The following SERPINB4 variants were observed in gnomAD, a reference collection of about 807,000 sequenced individuals.
SERPINB4 encodes serpin B4.
SERPINB4 carries 39 observed loss-of-function variants against 33.2 expected under a neutral mutation model. That is an observed-to-expected ratio of 1.18 (90% CI 0.91 to 1.53). The LOEUF (loss-of-function observed/expected upper bound fraction) is 1.53, where lower values mean the gene tolerates loss of function less well. Among genes scored for constraint, SERPINB4 ranks in the 40% most tolerant of loss-of-function variants. SERPINB4 has a pLI of 0.00. For missense variants in SERPINB4, 564 were observed against 455.4 expected, an observed-to-expected ratio of 1.24 and a Z score of -2.17; for synonymous variants, 191 against 166.4, an observed-to-expected ratio of 1.15 and a Z score of -1.14.
At chr18:63,639,511 AAAC>A (rs1464303655) in intron 6 of SERPINB4, 120 bp downstream of exon 6, 15 of 1,022,900 alleles carry the variant, frequency 1.5e-5, no homozygotes, top group South Asian at 1.9e-5. Flanking sequence ...TATAAGAGTA[AAAC>A]AACAAAATAA....
intron 4 of SERPINB4, among the ~76,000 whole-genome samples, 170 bp from the exon 5 acceptor site, chr18:63,641,161 G>A (rs931467117): frequency 2.6e-5 from 4 of 152,062 alleles, no homozygotes; most frequent in Non-Finnish European, 5.9e-5. Flanking sequence ...TGCAAAAGGG[G>A]AATGTGGGCT....
rs2144477747 is a variant in SERPINB4 at position 63,643,482 on chromosome 18, G to A, written c.96C>T (p.Ile32=). Residue 32 remains isoleucine, a synonymous_variant, in exon 2 of 8, where the codon ATC becomes ATT. Transcript: ENST00000341074. ...CCATCCCTAATGCTGATGTGATGCT[G>A]ATAGGGGAATAGAAGATGTTGTTCT... is the stretch of plus-strand genomic sequence containing the variant. ...SKENNIFYSP[I]SITSALGMVL... The A allele has an allele frequency of 6.2e-7, 1 of 1,613,752 alleles. No homozygotes were observed. Among genetic ancestry groups the A allele is most frequent in the Non-Finnish European group, 8.5e-7 (1 of 1,179,768 alleles).
intron 3 of SERPINB4, 120 bp downstream of exon 3, chr18:63,643,041 C>A: frequency 1.6e-6 from 2 of 1,225,854 alleles, no homozygotes; most frequent in South Asian, 2.7e-5. Flanking sequence ...CTGTATGTCT[C>A]AATCTTTGTG....
rs1912975884 is a variant in SERPINB4, at chr18:63,637,761, C to G, written c.1131G>C (p.Lys377Asn). Reference sequence around the variant, plus strand: ...TGCCATAGAAGAGGATGCTGTTGGTCTTATTTTGCCTTATGAAGAATAGGA... The same window carrying G: ...TGCCATAGAAGAGGATGCTGTTGGTGTTATTTTGCCTTATGAAGAATAGGA... ...HPFLFFIRQN[K>N]TNSILFYGRF... Residue 377 changes from lysine to asparagine, a missense_variant, in exon 8 of 8, where the codon AAG becomes AAC. By Grantham distance (94) the Lys-to-Asn change is moderately conservative. Coordinates refer to ENST00000341074, the MANE Select transcript of SERPINB4 (RefSeq NM_002974.4). 2.5e-6 allele frequency: 4 copies of G among 1,612,838 alleles called. No homozygotes were observed. Among genetic ancestry groups the G allele is most frequent in the Non-Finnish European group, 3.4e-6 (4 of 1,179,374 alleles).
At chr18:63,639,552 T>G (rs1913054044) in intron 6 of SERPINB4, 82 bp downstream of exon 6, 2 of 1,098,046 alleles carry the variant, frequency 1.8e-6, no homozygotes, top group Non-Finnish European at 2.6e-6. Context: ...TATTTTTTAC[T>G]TATCATGTTA....
intron 5 of SERPINB4, 127 bp downstream of exon 5, chr18:63,640,747 G>T: frequency 1.4e-6 from 1 of 700,792 alleles, no homozygotes; most frequent in South Asian, 1.9e-5. Flanking sequence ...TTCATCTGGA[G>T]TGCCCTCTTC....
At chr18:63,638,937 T>G (rs13353206) in intron 7 of SERPINB4, among the ~76,000 whole-genome samples, 7,466 of 151,788 alleles carry the variant, frequency 0.049, 617 homozygotes, top group African/African-American at 0.17. Context: ...ATTGTGCACA[T>G]GTACCCTAAA....
Position 63,638,142 on chromosome 18 carries a change from G to A in SERPINB4, c.769-19C>T. On this transcript the variant is annotated intron_variant, in intron 7 of 7. Transcript: ENST00000341074. The stretch of plus-strand genomic sequence containing the variant: ...CTTCAAGCTATACAAATGGAAAAAA[G>A]AAACTGATATGACTAACTGTCGATC... 1 of 1,605,632 alleles carries A rather than the reference G, an allele frequency of 6.2e-7. No homozygotes were observed.
intron 7 of SERPINB4, among the ~76,000 whole-genome samples, chr18:63,638,371 T>C (rs531949381): frequency 3.3e-4 from 50 of 152,184 alleles, no homozygotes; most frequent in African/African-American, 9.4e-4. Flanking sequence ...TATATGTATA[T>C]GTGTACATAT....
At chr18:63,639,080 A>T in intron 7 of SERPINB4, 105 bp downstream of exon 7, 1 of 1,327,594 alleles carries the variant, frequency 7.5e-7, no homozygotes, top group Non-Finnish European at 1.0e-6. Context: ...AGAATTTTTC[A>T]TCATTTTGAG....
intron 6 of SERPINB4, 133 bp downstream of exon 6, chr18:63,639,501 T>A: frequency 9.8e-7 from 1 of 1,015,722 alleles, no homozygotes; most frequent in East Asian, 2.6e-5. Context: ...TAAATAAAGT[T>A]ATAAGAGTAA....
At chr18:63,642,013 C>T in intron 3 of SERPINB4, 125 bp from the exon 4 acceptor site, 1 of 1,387,238 alleles carries the variant, frequency 7.2e-7, no homozygotes, top group Non-Finnish European at 9.9e-7. Flanking sequence ...ATGTTATTCC[C>T]TGATAATTGG....
Position 63,640,989 on chromosome 18 carries a change from T to A in SERPINB4, c.354A>T (p.Glu118Asp). ...AAAATTTCTTGATGGCATCTAAATA[T>A]TCCTTTGAGATATGAAGGAAGAAGT... is the stretch of plus-strand genomic sequence containing the variant. ...FGEKTYQFLQ[E>D]YLDAIKKFYQ... The change falls in exon 5 of 8, where the codon GAA (glutamate) becomes GAT (aspartate). Residue 118 changes from glutamate (E) to aspartate (D), a missense_variant and splice_region_variant. Physicochemically the swap from Glu to Asp is conservative, Grantham distance 45. Coordinates refer to ENST00000341074, the MANE Select transcript of SERPINB4 (RefSeq NM_002974.4). The A allele has an allele frequency of 6.2e-7, 1 of 1,609,666 alleles. No homozygotes were observed. The highest frequency in any genetic ancestry group is 8.5e-7 in the Non-Finnish European group (1 of 1,176,414).
chr18:63,643,497 G>T lies in SERPINB4; in HGVS notation c.81C>A (p.Ile27=). The change falls in exon 2 of 8, where the codon ATC becomes ATA. Residue 27 remains isoleucine, a synonymous_variant. Coordinates refer to ENST00000341074, the MANE Select transcript of SERPINB4 (RefSeq NM_002974.4). The part of the protein sequence containing the change: ...QQFRKSKENN[I]FYSPISITSA... Reference sequence around the variant, plus strand: ...ATGTGATGCTGATAGGGGAATAGAAGATGTTGTTCTCTTTTGATTTTCTGA... The same window carrying T: ...ATGTGATGCTGATAGGGGAATAGAATATGTTGTTCTCTTTTGATTTTCTGA... 6.2e-7 allele frequency: 1 copy of T among 1,613,798 alleles called. No homozygotes were observed. The highest frequency in any genetic ancestry group is 1.3e-5 in the African/African-American group (1 of 75,012).
At chr18:63,641,695 T>C (rs1913136138) in intron 4 of SERPINB4, 65 bp downstream of exon 4, 2 of 1,610,900 alleles carry the variant, frequency 1.2e-6, no homozygotes, top group Non-Finnish European at 8.5e-7. Context: ...CTTTCTTCCA[T>C]TTGGCCACTC....
At chr18:63,638,158 A>G (rs770132464) in intron 7 of SERPINB4, 35 bp from the exon 8 acceptor site, 10 of 1,594,626 alleles carry the variant, frequency 6.3e-6, no homozygotes, top group Non-Finnish European at 6.8e-6. Flanking sequence ...GATATGACTA[A>G]CTGTCGATCT....
chr18:63,643,036 T>A, intron 3 of SERPINB4, 125 bp downstream of exon 3: 1 of 1,140,364 alleles, frequency 8.8e-7, no homozygotes, highest in South Asian at 1.4e-5. Context: ...CCACTCTGTA[T>A]GTCTCAATCT....
intron 3 of SERPINB4, among the ~76,000 whole-genome samples, chr18:63,642,474 C>T (rs966346711): frequency 2.0e-5 from 3 of 151,978 alleles, no homozygotes; most frequent in Admixed American, 6.6e-5. Flanking sequence ...CACAAGAAAG[C>T]TCAGAGAATG....
chr18:63,642,419 G>A (rs190343136), intron 3 of SERPINB4, among the ~76,000 whole-genome samples: 165 of 152,158 alleles, frequency 1.1e-3, no homozygotes, highest in African/African-American at 3.8e-3. Context: ...CATGGCTAAG[G>A]ACTTTACATG....
Sources: gnomAD v4.1 joint callset for allele counts (sites outside exome capture counted in the v4.1 genomes callset) on GRCh38, gnomAD v4.1.1 for gene constraint, MANE v1.5 for transcripts, NCBI Gene and HGNC (gene_info 2026-07-23, HGNC 2026-07-21) for gene names.